The following SLC9B2 variants were observed in gnomAD, a reference collection of about 807,000 sequenced individuals.
The protein encoded by SLC9B2 is solute carrier family 9 member B2, also known as sodium/hydrogen exchanger 9B2.
In SLC9B2, 39 loss-of-function variants were observed where a neutral mutation model predicts 52.2. That is an observed-to-expected ratio of 0.75 (90% CI 0.58 to 0.98). The LOEUF (loss-of-function observed/expected upper bound fraction) is 0.98. Ranked by LOEUF, SLC9B2 falls within the 50% of genes least tolerant of loss-of-function variation. The pLI, the probability that SLC9B2 is intolerant of heterozygous loss-of-function variation, is 0.00. For synonymous variants in SLC9B2, 214 were observed against 227.0 expected, an observed-to-expected ratio of 0.94 and a Z score of 0.51; for missense variants, 626 against 637.5, an observed-to-expected ratio of 0.98 and a Z score of 0.19.
chr4:103,057,264 A>ATATG (rs1447892039), intron 4 of SLC9B2, among the ~76,000 whole-genome samples: 1 of 148,180 alleles, frequency 6.7e-6, no homozygotes, highest in East Asian at 1.9e-4. Context: ...ATATATATAT[A>ATATG]TATATATATA....
chr4:103,030,236 T>C (rs1266365679), intron 10 of SLC9B2, among the ~76,000 whole-genome samples: 3 of 152,072 alleles, frequency 2.0e-5, no homozygotes, highest in Admixed American at 6.6e-5. Context: ...GTCACTAGTA[T>C]AGATAAGGTT....
rs1746273256 is a variant in SLC9B2 at position 103,067,730 on chromosome 4, T to C, written c.-42-138A>G. 6.9e-6 allele frequency: 4 copies of C among 575,640 alleles called. No individual in the cohort carries two copies. The South Asian group carries it at 8.5e-5, about 12-fold the overall frequency. The allele number at this position is 575,640 out of a possible 1,614,324, so 35.7% of individuals were successfully genotyped here. A position where few individuals can be genotyped will look rare whatever the true frequency, so the allele number is the denominator to read the frequency against. On this transcript the variant is annotated intron_variant, in intron 1 of 11. Transcript: ENST00000394785. ...AAATTAGACTATTCTTAATTTTCAA[T>C]GGCTGGTTATTGTTTTTGCTTGATT...
chr4:103,033,597 T>C (rs1742894293), intron 9 of SLC9B2, among the ~76,000 whole-genome samples: 1 of 152,192 alleles, frequency 6.6e-6, no homozygotes, highest in Non-Finnish European at 1.5e-5. Context: ...CTAGATCTTA[T>C]AAACAACTTC....
chr4:103,020,487 T>C (rs1371748466), downstream of SLC9B2: 8 of 364,222 alleles, frequency 2.2e-5, no homozygotes, highest in Admixed American at 3.0e-4. Context: ...ACACTCAATG[T>C]TTACTCTTGA....
At chr4:103,051,765 T>C (rs1744707858) in intron 4 of SLC9B2, among the ~76,000 whole-genome samples, 1 of 152,248 alleles carries the variant, frequency 6.6e-6, no homozygotes, top group Admixed American at 6.5e-5. Context: ...TATTTCTGTG[T>C]GTATAAGCTC....
intron 9 of SLC9B2, among the ~76,000 whole-genome samples, chr4:103,034,333 A>G (rs1742971492): frequency 6.6e-6 from 1 of 152,160 alleles, no homozygotes; most frequent in Non-Finnish European, 1.5e-5. Flanking sequence ...TTAAATGTAA[A>G]ACCGAAAACT....
chr4:103,028,691 T>C, intron 11 of SLC9B2, 56 bp downstream of exon 11: 1 of 1,539,324 alleles, frequency 6.5e-7, no homozygotes, highest in Non-Finnish European at 8.7e-7. Flanking sequence ...ATTCAATATT[T>C]CAAGGTGTCA....
intron 4 of SLC9B2, among the ~76,000 whole-genome samples, chr4:103,052,416 T>C (rs1744770473): frequency 2.0e-5 from 3 of 152,350 alleles, no homozygotes; most frequent in Middle Eastern, 3.4e-3. Flanking sequence ...GGAGCTTATA[T>C]ATTTGTAGGT....
At chr4:103,050,427 G>A in intron 4 of SLC9B2, 45 bp from the exon 5 acceptor site, 1 of 1,492,390 alleles carries the variant, frequency 6.7e-7, no homozygotes, top group Non-Finnish European at 8.9e-7. Flanking sequence ...TTCAAATACA[G>A]AAAATATTTT....
intron 9 of SLC9B2, among the ~76,000 whole-genome samples, chr4:103,041,328 AG>A (rs1743621257): frequency 6.6e-6 from 1 of 152,214 alleles, no homozygotes; most frequent in African/African-American, 2.4e-5. Context: ...AAATGTTAAT[AG>A]TTATCTTTCT....
In SLC9B2 at chr4:103,066,430, T is replaced by C. The variant is rs2110659644; in HGVS notation, c.168A>G (p.Glu56=). The change falls in exon 3 of 12, where the codon GAA becomes GAG. Residue 56 remains glutamate (E), a synonymous_variant. Transcript: ENST00000394785. ...TEGSILLKSS[E]KKLQETPTEA... ...CAGTTGGTGTTTCTTGTAGCTTTTT[T>C]TCACTGCTTTTCAAAAGAATACTTC... 1 of 1,614,134 alleles carries C rather than the reference T, an allele frequency of 6.2e-7. No individual in the cohort carries two copies. The highest frequency in any genetic ancestry group is 1.1e-5 in the South Asian group (1 of 91,074).
At position 103,026,594 on chromosome 4, in the gene SLC9B2, A is replaced by T; in HGVS notation, c.1393-3T>A. 1 of 1,604,374 alleles carries T rather than the reference A, an allele frequency of 6.2e-7. No homozygotes were observed. Among genetic ancestry groups the T allele is most frequent in the South Asian group, 1.1e-5 (1 of 89,382 alleles). ...AAAGCCACAGATCCTATTGCAGCCTATAAAAGTTTAAGGGTAAAAATGGAA... is the reference window on the plus strand; with the variant it reads ...AAAGCCACAGATCCTATTGCAGCCTTTAAAAGTTTAAGGGTAAAAATGGAA... On this transcript the variant is annotated splice_polypyrimidine_tract_variant and splice_region_variant and intron_variant, in intron 11 of 11. Transcript: ENST00000394785.
chr4:103,020,805 A>G (rs912075919), downstream of SLC9B2, among the ~76,000 whole-genome samples: 1 of 151,816 alleles, frequency 6.6e-6, no homozygotes, highest in African/African-American at 2.4e-5. Flanking sequence ...TAATTTTTGT[A>G]TTTTTAGTAG....
At chr4:103,039,759 G>A (rs997221674) in intron 9 of SLC9B2, among the ~76,000 whole-genome samples, 3 of 149,546 alleles carry the variant, frequency 2.0e-5, no homozygotes, top group African/African-American at 7.4e-5. Flanking sequence ...GCAATTCTCT[G>A]CCTCAGCCTC....
intron 9 of SLC9B2, among the ~76,000 whole-genome samples, chr4:103,033,085 A>C (rs1312563612): frequency 6.6e-6 from 1 of 152,184 alleles, no homozygotes; most frequent in African/African-American, 2.4e-5. Flanking sequence ...CCTAATTGAT[A>C]CAAGAACTAA....
chr4:103,049,897 A>T (rs1043648548), intron 5 of SLC9B2, among the ~76,000 whole-genome samples: 3 of 151,788 alleles, frequency 2.0e-5, no homozygotes, highest in African/African-American at 7.3e-5. Flanking sequence ...CTGTAATCCC[A>T]CCTACTTGGG....
At chr4:103,043,523 AT>A in intron 8 of SLC9B2, 78 bp from the exon 9 acceptor site, 1 of 1,300,948 alleles carries the variant, frequency 7.7e-7, no homozygotes, top group Non-Finnish European at 1.1e-6. Context: ...CATATCTAGG[AT>A]TTAGAAAGAA....
rs1157284522 is a variant in SLC9B2 at position 103,058,092 on chromosome 4, TTAATCTG to T, written c.272-128_272-122del. ...AAAATGCAAATATTTATAATCATGT[TTAATCTG>T]TAAAGAGTATCAGTAAGATGACCAA... On this transcript the variant is annotated intron_variant, in intron 3 of 11. Transcript: ENST00000394785. 6.3e-6 allele frequency: 6 copies of T among 948,830 alleles called. No individual in the cohort carries two copies. The African/African-American group carries it at 8.4e-5, about 13-fold the overall frequency. 58.8% of individuals were successfully genotyped at this position (948,830 alleles called of 1,614,324 possible). A position where few individuals can be genotyped will look rare whatever the true frequency, so the allele number is the denominator to read the frequency against.
At chr4:103,073,169 ATTAG>A (rs1355813357) in intron 1 of SLC9B2, among the ~76,000 whole-genome samples, 1 of 152,214 alleles carries the variant, frequency 6.6e-6, no homozygotes, top group Non-Finnish European at 1.5e-5. Flanking sequence ...TTATAAATTA[ATTAG>A]TTTGTGGTAT....
Sources: gnomAD v4.1 joint callset for allele counts (sites outside exome capture counted in the v4.1 genomes callset) on GRCh38, gnomAD v4.1.1 for gene constraint, MANE v1.5 for transcripts, NCBI Gene and HGNC (gene_info 2026-07-23, HGNC 2026-07-21) for gene names.